The following SPTBN2 variants were observed in gnomAD, a reference collection of about 807,000 sequenced individuals.
SPTBN2 encodes spectrin beta chain, non-erythrocytic 2.
In SPTBN2, 107 loss-of-function variants were observed where a neutral mutation model predicts 284.2. That is an observed-to-expected ratio of 0.38 (90% CI 0.32 to 0.44). The LOEUF is 0.44. SPTBN2 is among the 20% of genes least tolerant of loss of function. The probability of loss-of-function intolerance (pLI) is 1.00; values close to 1 mark genes in which losing one functional copy is unlikely to be tolerated. For synonymous variants in SPTBN2, 1,289 were observed against 1,354.8 expected (o/e 0.95, Z 1.07); for missense variants, 2,569 against 3,287.1 (o/e 0.78, Z 5.34).
chr11:66,727,451 A>C (rs1456435291), intron 1 of SPTBN2, among the ~76,000 whole-genome samples: 1 of 152,140 alleles, frequency 6.6e-6, no homozygotes, highest in Non-Finnish European at 1.5e-5. Context: ...GTTCCAAGCG[A>C]GTGGAAGGTA....
upstream of SPTBN2, among the ~76,000 whole-genome samples, chr11:66,734,136 T>G (rs1942836997): frequency 6.6e-6 from 1 of 152,212 alleles, no homozygotes; most frequent in African/African-American, 2.4e-5. Flanking sequence ...GCCATTCTCT[T>G]GGTTTTCCTT....
chr11:66,724,748 G>A (rs1339216509), intron 1 of SPTBN2, among the ~76,000 whole-genome samples: 11 of 152,290 alleles, frequency 7.2e-5, no homozygotes. Flanking sequence ...CATGGAACCA[G>A]TTAATGATGG....
At chr11:66,695,628 A>G (rs1940858824) in intron 21 of SPTBN2, among the ~76,000 whole-genome samples, 1 of 152,186 alleles carries the variant, frequency 6.6e-6, no homozygotes, top group African/African-American at 2.4e-5. Context: ...GGGCTGTGAC[A>G]TAGACCTTAC....
intron 15 of SPTBN2, among the ~76,000 whole-genome samples, chr11:66,702,075 C>G (rs1178677194): frequency 2.6e-5 from 4 of 152,184 alleles, no homozygotes; most frequent in African/African-American, 7.2e-5. Context: ...CTATCTGGGT[C>G]TCATCCCACT....
In SPTBN2 at chr11:66,687,021, C is replaced by A; in HGVS notation, c.6869G>T (p.Arg2290Leu). ...CAGCTTGAAGACATGTTTGCGCTTT[C>A]GGTAATCAAAGGCGACGCTGCCCTG... ...RAQGSVAFDY[R>L]KRKHVFKLGL... The change falls in exon 36 of 38, where the codon CGA becomes CTA. Residue 2290 changes from arginine (R) to leucine (L), a missense_variant. Physicochemically the swap from Arg to Leu is moderately radical, Grantham distance 102. Transcript: ENST00000533211. The surrounding 1 kb of genome is among the most constrained non-coding windows in gnomAD (Gnocchi z 5.2). 1 of 1,614,042 alleles carries A rather than the reference C, an allele frequency of 6.2e-7. No individual in the cohort carries two copies. The highest frequency in any genetic ancestry group is 1.6e-4 in the Middle Eastern group (1 of 6,062).
rs1300407242 is a variant in SPTBN2 at position 66,693,393 on chromosome 11, C to T, written c.4647G>A (p.Glu1549=). 31 of 1,601,628 alleles carry T rather than the reference C, an allele frequency of 1.9e-5. No homozygotes were observed. The highest frequency in any genetic ancestry group is 2.3e-5 in the Non-Finnish European group (27 of 1,179,940). ...GHEPRIADLR[E]RQRALGAAAA... is the part of the protein sequence containing the mutation. Reference sequence around the variant, plus strand: ...CTGCTGCACCTAGAGCACGCTGCCGCTCCCTCAGGTCCGCGATCCGGGGCT... The same window carrying T: ...CTGCTGCACCTAGAGCACGCTGCCGTTCCCTCAGGTCCGCGATCCGGGGCT... The change falls in exon 24 of 38, where the codon GAG becomes GAA. Residue 1549 remains glutamate (E), a synonymous_variant. Transcript: ENST00000533211. This position sits in a 1 kb window ranked among gnomAD's most constrained non-coding sequence, Gnocchi z 5.7.
rs775706480 is a variant in SPTBN2, at chr11:66,690,029, G to A, written c.5810+10C>T. On this transcript the variant is annotated intron_variant, in intron 28 of 37. Transcript: ENST00000533211. ...CAACCCGTGGAGGCCCTGAGCCCTGGGATTCTCACCGGGGACGCTCCTGGG... is the reference window on the plus strand; with the variant it reads ...CAACCCGTGGAGGCCCTGAGCCCTGAGATTCTCACCGGGGACGCTCCTGGG... 9.3e-6 allele frequency: 15 copies of A among 1,614,110 alleles called. No homozygotes were observed. Among genetic ancestry groups the A allele is most frequent in the Non-Finnish European group, 1.3e-5 (15 of 1,180,042 alleles).
rs1261784244 is a variant in SPTBN2 at position 66,685,936 on chromosome 11, G to A, written c.7108C>T (p.Arg2370Cys). The change falls in exon 38 of 38, where the codon CGC (arginine) becomes TGC (cysteine). Residue 2370 changes from arginine (R) to cysteine (C), a missense_variant. This residue lies in a region of SPTBN2 where 1,130 missense variants were observed against 1,317.3 expected (regional missense o/e 0.86). Transcript: ENST00000533211. This position sits in a 1 kb window ranked among gnomAD's most constrained non-coding sequence, Gnocchi z 4.4. The stretch of plus-strand genomic sequence containing the variant: ...TCTCGTTCTCTGCCGTCTTTGCTGC[G>A]GAGCACAACAGGCCCCTCAGCCCCG... The part of the protein sequence containing the change: ...PVGAEGPVVL[R>C]SKDGRERERE... 9 of 1,613,768 alleles carry A rather than the reference G, an allele frequency of 5.6e-6. No homozygotes were observed. The highest frequency in any genetic ancestry group is 2.7e-5 in the African/African-American group (2 of 74,908).
intron 37 of SPTBN2, 129 bp from the exon 38 acceptor site, chr11:66,686,233 G>A (rs1351285158): frequency 7.2e-7 from 1 of 1,383,748 alleles, no homozygotes; most frequent in South Asian, 1.2e-5. Flanking sequence ...GGAGAATGTG[G>A]CCGGCTTAGA....
Position 66,721,355 on chromosome 11 carries a change from C to T in SPTBN2, c.-28G>A, listed in dbSNP as rs1198470421. ...CTTCTGTCTTCTTGCCCTACCTGTG[C>T]TCCGCTCTCCTTGTGGCCAGAGGCT... On this transcript the variant is annotated 5_prime_UTR_variant, in exon 2 of 38. Transcript: ENST00000533211. The T allele has an allele frequency of 1.2e-5, 17 of 1,398,692 alleles. No individual in the cohort carries two copies. Among genetic ancestry groups the T allele is most frequent in the Admixed American group, 1.7e-5 (1 of 59,214 alleles). The allele number at this position is 1,398,692 out of a possible 1,614,324, so 86.6% of individuals were successfully genotyped here. A position where few individuals can be genotyped will look rare whatever the true frequency, so the allele number is the denominator to read the frequency against.
At position 66,693,691 on chromosome 11, in the gene SPTBN2, G is replaced by A; in HGVS notation, c.4593+81C>T. 1 of 1,414,324 alleles carries A rather than the reference G, an allele frequency of 7.1e-7. No homozygotes were observed. 87.6% of individuals were successfully genotyped at this position (1,414,324 alleles called of 1,614,324 possible). A position where few individuals can be genotyped will look rare whatever the true frequency, so the allele number is the denominator to read the frequency against. On this transcript the variant is annotated intron_variant, in intron 23 of 37. Transcript: ENST00000533211. This position sits in a 1 kb window ranked among gnomAD's most constrained non-coding sequence, Gnocchi z 5.7. Reference sequence around the variant, plus strand: ...CCAGGGTTACACTCAGCATCGAGGGGGGCCTGGTCTTAAGAAAAAACACGT... The same window carrying A: ...CCAGGGTTACACTCAGCATCGAGGGAGGCCTGGTCTTAAGAAAAAACACGT...
upstream of SPTBN2, among the ~76,000 whole-genome samples, chr11:66,732,227 G>A (rs1253112483): frequency 6.6e-6 from 1 of 152,178 alleles, no homozygotes; most frequent in Non-Finnish European, 1.5e-5. Flanking sequence ...ACCTTACTCA[G>A]GGTCATCAAA....
Position 66,715,515 on chromosome 11 carries a change from A to G in SPTBN2, c.310-120T>C. 7.4e-7 allele frequency: 1 copy of G among 1,359,548 alleles called. No individual in the cohort carries two copies. The highest frequency in any genetic ancestry group is 1.0e-6 in the Non-Finnish European group (1 of 1,001,538). The allele number at this position is 1,359,548 out of a possible 1,614,324, so 84.2% of individuals were successfully genotyped here. A position where few individuals can be genotyped will look rare whatever the true frequency, so the allele number is the denominator to read the frequency against. ...ACCTACCTCAGGAACACAGACAGGC[A>G]CAGCCCCAGGGCTGGAGCCAAAGCT... On this transcript the variant is annotated intron_variant, in intron 4 of 37. Transcript: ENST00000533211. This position sits in a 1 kb window ranked among gnomAD's most constrained non-coding sequence, Gnocchi z 5.3.
chr11:66,705,936 C>A (rs1941533431), intron 13 of SPTBN2, 99 bp from the exon 14 acceptor site: 3 of 1,511,828 alleles, frequency 2.0e-6, no homozygotes, highest in South Asian at 1.2e-5. Flanking sequence ...AGGTGTTGCA[C>A]CCAGGTGAGA....
intron 29 of SPTBN2, 171 bp from the exon 30 acceptor site, chr11:66,689,351 T>G (rs1940378387): frequency 3.0e-6 from 2 of 675,962 alleles, no homozygotes; most frequent in Non-Finnish European, 2.5e-6. Flanking sequence ...CTCAGCTCAC[T>G]GCAACCTCCA....
Position 66,705,756 on chromosome 11 carries a change from C to T in SPTBN2, c.1735G>A (p.Asp579Asn). The T allele has an allele frequency of 6.2e-7, 1 of 1,612,682 alleles. No homozygotes were observed. The highest frequency in any genetic ancestry group is 8.5e-7 in the Non-Finnish European group (1 of 1,179,920). The change falls in exon 14 of 38, where the codon GAC becomes AAC. Residue 579 changes from aspartate (D) to asparagine (N), a missense_variant. Transcript: ENST00000533211. ...LLQLHELVEA[D>N]IAVQAERVRA... The stretch of plus-strand genomic sequence containing the variant: ...ACCCTCTCGGCCTGCACGGCGATGT[C>T]TGCCTCCACCAGCTCGTGCAGCTGC...
rs905775389 is a variant in SPTBN2, at chr11:66,715,693, A to G, written c.309+137T>C. Reference sequence around the variant, plus strand: ...AATCTAAGTGGCAAAGGCACTTGAAATGAACCCATCCTCTGAGCAGAGGGA... The same window carrying G: ...AATCTAAGTGGCAAAGGCACTTGAAGTGAACCCATCCTCTGAGCAGAGGGA... On this transcript the variant is annotated intron_variant, in intron 4 of 37. Coordinates refer to ENST00000533211, the MANE Select transcript of SPTBN2 (RefSeq NM_006946.4). This position sits in a 1 kb window ranked among gnomAD's most constrained non-coding sequence, Gnocchi z 5.3. The G allele has an allele frequency of 1.6e-6, 2 of 1,264,736 alleles. No individual in the cohort carries two copies. Among genetic ancestry groups the G allele is most frequent in the African/African-American group, 3.0e-5 (2 of 67,644 alleles). The allele number at this position is 1,264,736 out of a possible 1,614,324, so 78.3% of individuals were successfully genotyped here. A position where few individuals can be genotyped will look rare whatever the true frequency, so the allele number is the denominator to read the frequency against.
Position 66,686,570 on chromosome 11 carries a change from C to CA in SPTBN2, c.6897-131dup, listed in dbSNP as rs779110908. 600 of 964,250 alleles carry CA rather than the reference C, an allele frequency of 6.2e-4. 3 individuals carry two copies. Among genetic ancestry groups the CA allele is most frequent in the Non-Finnish European group, 7.7e-4 (464 of 603,816 alleles). 59.7% of individuals were successfully genotyped at this position (964,250 alleles called of 1,614,324 possible). A position where few individuals can be genotyped will look rare whatever the true frequency, so the allele number is the denominator to read the frequency against. On this transcript the variant is annotated intron_variant, in intron 36 of 37. Transcript: ENST00000533211. ...CTGCAGCCCTCAGAGCCGGACCAGA[C>CA]ACGCTCTGCACATTCTTCAGCTTCC...
chr11:66,712,821 C>T (rs1941943725), intron 8 of SPTBN2: 1 of 152,626 alleles, frequency 6.6e-6, no homozygotes, highest in African/African-American at 2.4e-5. Flanking sequence ...TCCATTCTGA[C>T]CTGGACTGGT....
Sources: gnomAD v4.1 joint callset for allele counts (sites outside exome capture counted in the v4.1 genomes callset) on GRCh38, gnomAD v4.1.1 for gene constraint, gnomAD v4.1.1 regional missense constraint, Gnocchi (gnomAD v3.1) non-coding constraint, MANE v1.5 for transcripts, NCBI Gene and HGNC (gene_info 2026-07-23, HGNC 2026-07-21) for gene names.